SOX5: variants seen among roughly 807,000 people sequenced by gnomAD.
SOX5 encodes the protein transcription factor SOX-5.
SOX5 carries 9 observed loss-of-function variants against 92.0 expected under a neutral mutation model. The observed-to-expected ratio is 0.10, with a 90% CI of 0.06 to 0.17. SOX5 has a LOEUF of 0.17. Among genes scored for constraint, SOX5 ranks in the 10% least tolerant of loss-of-function variants. The probability of loss-of-function intolerance (pLI) is 1.00; values close to 1 mark genes in which losing one functional copy is unlikely to be tolerated. For missense variants in SOX5, 642 were observed against 944.5 expected, an observed-to-expected ratio of 0.68 and a Z score of 4.20; for synonymous variants, 344 against 336.3, an observed-to-expected ratio of 1.02 and a Z score of -0.25.
chr12:24,459,633 C>T (rs1229211543), intron 1 of SOX5, among the ~76,000 whole-genome samples: 6 of 152,060 alleles, frequency 3.9e-5, no homozygotes, highest in Admixed American at 3.9e-4. Flanking sequence ...AAGAAAGAAA[C>T]CGACAGGAGT....
At chr12:23,748,545 C>G (rs2094075607) in intron 4 of SOX5, among the ~76,000 whole-genome samples, 1 of 151,634 alleles carries the variant, frequency 6.6e-6, no homozygotes, top group Non-Finnish European at 1.5e-5. Context: ...GAACTATTGT[C>G]CAAATAAAGA....
chr12:24,562,248 G>C (rs952117275), intron 1 of SOX5: 1 of 152,274 alleles, frequency 6.6e-6, no homozygotes, highest in Non-Finnish European at 1.5e-5. Flanking sequence ...CCCGGCGAGC[G>C]GCAGAGGGGA....
At chr12:23,581,214 T>G (rs1386720590) in intron 9 of SOX5, among the ~76,000 whole-genome samples, 1 of 152,082 alleles carries the variant, frequency 6.6e-6, no homozygotes, top group African/African-American at 2.4e-5. Context: ...AATAGAGAAC[T>G]AGATAACAGA....
intron 1 of SOX5, among the ~76,000 whole-genome samples, chr12:24,422,551 T>A (rs1193889800): frequency 6.6e-6 from 1 of 152,200 alleles, no homozygotes; most frequent in East Asian, 1.9e-4. Flanking sequence ...TAGATGAAAT[T>A]TTAGGGTTGT....
chr12:24,450,722 G>A (rs924917684), intron 1 of SOX5, among the ~76,000 whole-genome samples: 3 of 152,106 alleles, frequency 2.0e-5, no homozygotes, highest in East Asian at 1.9e-4. Flanking sequence ...AACTCCTGAC[G>A]TCAAGTGATC....
At chr12:23,682,096 T>C (rs990107177) in intron 6 of SOX5, among the ~76,000 whole-genome samples, 1 of 151,778 alleles carries the variant, frequency 6.6e-6, no homozygotes, top group African/African-American at 2.4e-5. Context: ...AATGGATATA[T>C]GTAGAATTCT....
chr12:24,309,319 T>C (rs1162149919), intron 2 of SOX5, among the ~76,000 whole-genome samples: 1 of 152,198 alleles, frequency 6.6e-6, no homozygotes, highest in Non-Finnish European at 1.5e-5. Flanking sequence ...AGGTGTTGCA[T>C]TTTCTCTTCT....
At chr12:24,462,600 G>T (rs1296895628) in intron 1 of SOX5, among the ~76,000 whole-genome samples, 1 of 152,074 alleles carries the variant, frequency 6.6e-6, no homozygotes, top group East Asian at 1.9e-4. Flanking sequence ...ATAATCCCTA[G>T]TAAAAACTAA....
intron 6 of SOX5, among the ~76,000 whole-genome samples, chr12:23,696,254 T>C (rs1263823017): frequency 1.3e-5 from 2 of 152,120 alleles, no homozygotes; most frequent in Non-Finnish European, 2.9e-5. Flanking sequence ...CATCTGGGCC[T>C]GGAATCTTAT....
In SOX5 at chr12:24,432,496, A is replaced by T. The variant is rs2137067151; in HGVS notation, c.-250-63857T>A. ...TAGTAGCAGTTCTCTGAGGTAGTAGAAAATTCTAAAAAGTTACATATAAAA... is the reference window on the plus strand; with the variant it reads ...TAGTAGCAGTTCTCTGAGGTAGTAGTAAATTCTAAAAAGTTACATATAAAA... On this transcript the variant is annotated intron_variant, in intron 1 of 4. Transcript: ENST00000446891. 2.6e-5 allele frequency among the ~76,000 whole-genome samples: 4 copies of T among 152,270 alleles called. No individual in the cohort carries two copies. In the South Asian group the frequency reaches 8.3e-4, roughly 32 times the overall value.
intron 6 of SOX5, among the ~76,000 whole-genome samples, chr12:23,679,663 T>A (rs2086267639): frequency 6.6e-6 from 1 of 152,190 alleles, no homozygotes; most frequent in Admixed American, 6.5e-5. Flanking sequence ...TAGAAATAAG[T>A]GTTTCCTAGT....
chr12:23,599,678 G>C (rs146884572), intron 9 of SOX5, among the ~76,000 whole-genome samples: 8 of 152,310 alleles, frequency 5.3e-5, no homozygotes, highest in Non-Finnish European at 8.8e-5. Flanking sequence ...CACTTACAAT[G>C]TGAAGTTTGG....
chr12:24,162,015 A>G (rs573734689), intron 4 of SOX5, among the ~76,000 whole-genome samples: 2 of 152,228 alleles, frequency 1.3e-5, no homozygotes, highest in South Asian at 2.1e-4. Flanking sequence ...ATTCTGGGCA[A>G]TGCTGAAGAC....
At chr12:23,841,056 A>C (rs541276452) in intron 3 of SOX5, among the ~76,000 whole-genome samples, 1 of 152,282 alleles carries the variant, frequency 6.6e-6, no homozygotes, top group East Asian at 1.9e-4. Context: ...CAAGCTGCAG[A>C]CTGGTAGAAA....
intron 3 of SOX5, among the ~76,000 whole-genome samples, chr12:23,775,182 T>G (rs2095058491): frequency 6.6e-6 from 1 of 152,248 alleles, no homozygotes; most frequent in Non-Finnish European, 1.5e-5. Flanking sequence ...ATTGTTTCCT[T>G]TTCCCTATCT....
intron 3 of SOX5, among the ~76,000 whole-genome samples, chr12:23,800,444 C>T (rs907340011): frequency 3.3e-5 from 5 of 151,970 alleles, no homozygotes; most frequent in African/African-American, 1.2e-4. Flanking sequence ...AAGGAATGAA[C>T]ACAGTGTGCA....
chr12:24,242,202 T>C (rs569139157), intron 3 of SOX5, among the ~76,000 whole-genome samples: 1 of 152,318 alleles, frequency 6.6e-6, no homozygotes, highest in Admixed American at 6.5e-5. Context: ...ACTGAACTAA[T>C]TGAGTTGCAG....
chr12:23,648,970 C>T (rs1245796393), intron 7 of SOX5, among the ~76,000 whole-genome samples: 1 of 152,034 alleles, frequency 6.6e-6, no homozygotes, highest in Non-Finnish European at 1.5e-5. Context: ...TGTCTAATAG[C>T]GCTACGCTAT....
At chr12:23,846,797 T>C (rs2096580302) in intron 2 of SOX5, among the ~76,000 whole-genome samples, 5 of 152,162 alleles carry the variant, frequency 3.3e-5, no homozygotes, top group Admixed American at 3.3e-4. Flanking sequence ...ATATTCCAAG[T>C]TCAATTCTGC....
Sources: gnomAD v4.1 joint callset for allele counts (sites outside exome capture counted in the v4.1 genomes callset) on GRCh38, gnomAD v4.1.1 for gene constraint, MANE v1.5 for transcripts, NCBI Gene and HGNC (gene_info 2026-07-23, HGNC 2026-07-21) for gene names.